The following RABGAP1L variants were observed in gnomAD, a reference collection of about 807,000 sequenced individuals.
RABGAP1L encodes the protein RAB GTPase activating protein 1 like.
RABGAP1L carries 63 observed loss-of-function variants against 137.7 expected under a neutral mutation model. The ratio of observed to expected loss-of-function variants is 0.46; its 90% CI spans 0.37 to 0.56. RABGAP1L has a LOEUF of 0.56. RABGAP1L is among the 20% of genes least tolerant of loss of function. The probability of loss-of-function intolerance (pLI) is 0.00; values close to 1 mark genes in which losing one functional copy is unlikely to be tolerated. For synonymous variants in RABGAP1L, 431 were observed against 433.7 expected (o/e 0.99, Z 0.08); for missense variants, 1,095 against 1,244.0 (o/e 0.88, Z 1.80).
chr1:174,418,378 A>G (rs1650856655), intron 13 of RABGAP1L, among the ~76,000 whole-genome samples: 1 of 152,216 alleles, frequency 6.6e-6, no homozygotes, highest in Non-Finnish European at 1.5e-5. Flanking sequence ...GCTAAATTCT[A>G]TCCAGTTTGG....
chr1:174,302,868 A>G (rs1677850114), intron 10 of RABGAP1L, among the ~76,000 whole-genome samples: 1 of 152,212 alleles, frequency 6.6e-6, no homozygotes, highest in Admixed American at 6.5e-5. Context: ...GAAAATTCCT[A>G]TTTGAAGATG....
chr1:174,551,651 C>T (rs1005813070), intron 13 of RABGAP1L, among the ~76,000 whole-genome samples: 1 of 151,656 alleles, frequency 6.6e-6, no homozygotes, highest in Admixed American at 6.6e-5. Flanking sequence ...AGAAAATAAA[C>T]CCGAAGTAAG....
rs1219754366 is a variant in RABGAP1L at position 174,982,827 on chromosome 1, TC to T, written c.2734-5del. 1 of 1,550,184 alleles carries T rather than the reference TC, an allele frequency of 6.5e-7. No homozygotes were observed. The highest frequency in any genetic ancestry group is 2.4e-5 in the East Asian group (1 of 40,930). On this transcript the variant is annotated splice_polypyrimidine_tract_variant and splice_region_variant and intron_variant, in intron 23 of 25. Transcript: ENST00000681986. ...TTTCTAGTAAAAGACTCTTTTCTCATCCTTAGATCTGTTCGCAGTTGAGTAC... is the reference window on the plus strand; with the variant it reads ...TTTCTAGTAAAAGACTCTTTTCTCATCTTAGATCTGTTCGCAGTTGAGTAC...
At chr1:174,478,850 A>G (rs1310853609) in intron 13 of RABGAP1L, among the ~76,000 whole-genome samples, 1 of 152,200 alleles carries the variant, frequency 6.6e-6, no homozygotes, top group Non-Finnish European at 1.5e-5. Flanking sequence ...TATCATTAAT[A>G]TAATACTGGA....
chr1:174,574,228 T>A (rs898988461), intron 13 of RABGAP1L, among the ~76,000 whole-genome samples: 2 of 152,204 alleles, frequency 1.3e-5, no homozygotes, highest in African/African-American at 4.8e-5. Flanking sequence ...AACAATTGAT[T>A]TTTAGCAAAT....
intron 11 of RABGAP1L, among the ~76,000 whole-genome samples, chr1:174,326,260 C>T (rs911115479): frequency 1.3e-5 from 2 of 152,024 alleles, no homozygotes; most frequent in African/African-American, 4.8e-5. Context: ...ATCTGGTGGA[C>T]AAAGAATTCA....
intron 11 of RABGAP1L, among the ~76,000 whole-genome samples, chr1:174,337,053 T>G (rs1228774669): frequency 1.3e-5 from 2 of 152,154 alleles, no homozygotes; most frequent in Non-Finnish European, 2.9e-5. Context: ...TATTTGTATT[T>G]GTTTTCTATT....
intron 19 of RABGAP1L, among the ~76,000 whole-genome samples, chr1:174,907,395 C>T (rs1314951957): frequency 6.6e-6 from 1 of 152,110 alleles, no homozygotes; most frequent in African/African-American, 2.4e-5. Flanking sequence ...TCACTGCAGC[C>T]TTGACCTTCT....
chr1:174,854,661 GA>G (rs911214211), intron 19 of RABGAP1L, among the ~76,000 whole-genome samples: 22 of 106,268 alleles, frequency 2.1e-4, no homozygotes, highest in Admixed American at 4.7e-4. Flanking sequence ...CAGTGAATTT[GA>G]AAAAAAAACT....
intron 13 of RABGAP1L, among the ~76,000 whole-genome samples, chr1:174,447,222 A>C (rs1654867559): frequency 6.6e-6 from 1 of 152,196 alleles, no homozygotes; most frequent in African/African-American, 2.4e-5. Context: ...AAATGCTTTA[A>C]AAATGCATGC....
intron 13 of RABGAP1L, among the ~76,000 whole-genome samples, chr1:174,596,468 G>C (rs937519245): frequency 6.6e-6 from 1 of 152,028 alleles, no homozygotes. Flanking sequence ...TAATTTATTT[G>C]TAGCTGTTGC....
intron 19 of RABGAP1L, among the ~76,000 whole-genome samples, chr1:174,819,187 T>TAAAAA (rs71299431): frequency 4.5e-5 from 2 of 44,874 alleles, no homozygotes; most frequent in African/African-American, 1.7e-4. Context: ...TGCCTGTCTC[T>TAAAAA]AAAAAAAAAA....
At chr1:174,402,705 C>T (rs1242301145) in intron 13 of RABGAP1L, among the ~76,000 whole-genome samples, 5 of 152,094 alleles carry the variant, frequency 3.3e-5, no homozygotes, top group South Asian at 2.1e-4. Context: ...TTTTTCATAA[C>T]GTTTGAGGTG....
chr1:174,571,738 G>C (rs1302008843), intron 13 of RABGAP1L, among the ~76,000 whole-genome samples: 1 of 152,104 alleles, frequency 6.6e-6, no homozygotes, highest in Non-Finnish European at 1.5e-5. Flanking sequence ...AATTTGTGCA[G>C]AATCTCAAAA....
At chr1:174,330,515 T>C (rs1558138527) in intron 11 of RABGAP1L, among the ~76,000 whole-genome samples, 1 of 151,860 alleles carries the variant, frequency 6.6e-6, no homozygotes, top group Non-Finnish European at 1.5e-5. Flanking sequence ...GGCCCAGGAG[T>C]TTGGCACTGG....
intron 17 of RABGAP1L, among the ~76,000 whole-genome samples, chr1:174,732,201 C>CA (rs35666280): frequency 0.35 from 50,937 of 144,710 alleles, 10,172 homozygotes; most frequent in East Asian, 0.58. Flanking sequence ...CCATCCCCCC[C>CA]AAAAAAAAAA....
chr1:174,246,962 A>G (rs1672316118), intron 5 of RABGAP1L, among the ~76,000 whole-genome samples: 1 of 152,218 alleles, frequency 6.6e-6, no homozygotes, highest in South Asian at 2.1e-4. Flanking sequence ...ATGCAATTTG[A>G]TTGCTGTTAA....
chr1:174,350,752 T>G (rs1365674211), intron 11 of RABGAP1L, among the ~76,000 whole-genome samples: 2 of 47,642 alleles, frequency 4.2e-5, no homozygotes, highest in South Asian at 8.7e-4. Flanking sequence ...CTGGGAGGTG[T>G]AGGTTGTAGT....
intron 19 of RABGAP1L, among the ~76,000 whole-genome samples, chr1:174,830,265 AT>A (rs1691973751): frequency 6.8e-6 from 1 of 146,442 alleles, no homozygotes; most frequent in Admixed American, 6.8e-5. Context: ...TGCATGGAAA[AT>A]TTGTGTTTCA....
Sources: allele counts gnomAD v4.1 joint callset (sites outside exome capture counted in the v4.1 genomes callset), GRCh38; gene constraint gnomAD v4.1.1; transcripts MANE v1.5; gene names NCBI Gene and HGNC (gene_info 2026-07-23, HGNC 2026-07-21).